DENND1A: variants seen among roughly 807,000 people sequenced by gnomAD.
DENND1A encodes the protein DENN domain containing 1A, also known as DENN domain-containing protein 1A.
Under a neutral mutation model 113.7 loss-of-function variants are expected in DENND1A, and 51 were observed. The ratio of observed to expected loss-of-function variants is 0.45; its 90% CI spans 0.36 to 0.57. The LOEUF (loss-of-function observed/expected upper bound fraction) is 0.57, where lower values mean the gene tolerates loss of function less well. Among genes scored for constraint, DENND1A ranks in the 20% least tolerant of loss-of-function variants. DENND1A has a pLI of 0.00. For synonymous variants in DENND1A, 565 were observed against 570.8 expected (o/e 0.99, Z 0.14); for missense variants, 1,258 against 1,395.9 (o/e 0.90, Z 1.57).
intron 18 of DENND1A, among the ~76,000 whole-genome samples, chr9:123,446,644 G>A (rs1564504153): frequency 1.3e-5 from 2 of 152,064 alleles, no homozygotes; most frequent in African/African-American, 4.8e-5. Flanking sequence ...GGGCAACACA[G>A]CAAAACTCTG....
chr9:123,474,748 G>T (rs2049761066), intron 13 of DENND1A, among the ~76,000 whole-genome samples: 1 of 152,196 alleles, frequency 6.6e-6, no homozygotes, highest in Admixed American at 6.5e-5. Context: ...TAGCTCCCAT[G>T]AGCTTATTCC....
In DENND1A at chr9:123,669,525, G is replaced by A. The variant is rs563724270; in HGVS notation, c.453+1766C>T. Reference sequence around the variant, plus strand: ...CAGCAGTTCCTGCTGCCCCTGAGATGGCTTGTCCTTGAGGCCTGGCATGCA... The same window carrying A: ...CAGCAGTTCCTGCTGCCCCTGAGATAGCTTGTCCTTGAGGCCTGGCATGCA... On this transcript the variant is annotated intron_variant, in intron 7 of 23. Transcript: ENST00000394215. 5.9e-5 allele frequency among the ~76,000 whole-genome samples: 9 copies of A among 152,198 alleles called. No individual in the cohort carries two copies. The South Asian group carries it at 6.2e-4, about 11-fold the overall frequency.
intron 13 of DENND1A, among the ~76,000 whole-genome samples, chr9:123,541,866 G>A (rs984637799): frequency 2.6e-5 from 4 of 152,108 alleles, no homozygotes; most frequent in African/African-American, 7.2e-5. Flanking sequence ...AAAAACCTGC[G>A]GTTCAGGGAG....
At chr9:123,812,512 T>G (rs1199195629) in intron 2 of DENND1A, among the ~76,000 whole-genome samples, 1 of 151,918 alleles carries the variant, frequency 6.6e-6, no homozygotes, top group Non-Finnish European at 1.5e-5. Flanking sequence ...ATACAGTGAG[T>G]GGAATGAGTG....
chr9:123,927,034 G>A (rs141494423), intron 1 of DENND1A, among the ~76,000 whole-genome samples: 35 of 152,260 alleles, frequency 2.3e-4, no homozygotes, highest in African/African-American at 8.2e-4. Context: ...CTGATCTTAG[G>A]CCTATAAACT....
chr9:123,632,607 C>T (rs2061526093), intron 9 of DENND1A, among the ~76,000 whole-genome samples: 2 of 152,082 alleles, frequency 1.3e-5, no homozygotes, highest in African/African-American at 2.4e-5. Flanking sequence ...TCCGGCCCAT[C>T]ACTTCCTACT....
At chr9:123,525,828 G>A (rs2054794387) in intron 13 of DENND1A, among the ~76,000 whole-genome samples, 1 of 139,628 alleles carries the variant, frequency 7.2e-6, no homozygotes, top group African/African-American at 2.7e-5. Flanking sequence ...GTGTGATTAT[G>A]ATTCACTGCA....
intron 19 of DENND1A, among the ~76,000 whole-genome samples, chr9:123,432,623 G>A (rs2046220532): frequency 6.6e-6 from 1 of 152,242 alleles, no homozygotes; most frequent in South Asian, 2.1e-4. Flanking sequence ...CAACGGAAAA[G>A]GAGAAATATG....
chr9:123,582,847 C>T (rs2058983574), intron 12 of DENND1A, among the ~76,000 whole-genome samples: 1 of 152,052 alleles, frequency 6.6e-6, no homozygotes, highest in African/African-American at 2.4e-5. Context: ...TACACGCATG[C>T]ACCACCATGC....
At chr9:123,420,685 G>A (rs1276701348) in intron 19 of DENND1A, among the ~76,000 whole-genome samples, 2 of 152,140 alleles carry the variant, frequency 1.3e-5, no homozygotes, top group Non-Finnish European at 2.9e-5. Flanking sequence ...TAGTGGTGCT[G>A]GTTAATTTGT....
chr9:123,838,222 T>C (rs929687937), intron 2 of DENND1A, among the ~76,000 whole-genome samples: 2 of 152,208 alleles, frequency 1.3e-5, no homozygotes, highest in Non-Finnish European at 2.9e-5. Context: ...AGTTACTTCA[T>C]CTTTCTGTGC....
At chr9:123,927,594 T>A (rs775432015) in intron 1 of DENND1A, among the ~76,000 whole-genome samples, 6 of 152,216 alleles carry the variant, frequency 3.9e-5, no homozygotes, top group African/African-American at 1.4e-4. Context: ...TCAGGGAAAC[T>A]GAGGTTGAAA....
In DENND1A at chr9:123,874,933, G is replaced by A. The variant is rs554734296; in HGVS notation, c.88+4018C>T. ...TGTTTACATGTGCCAGGATTCATACGTAGGAAAGGTCACAGTAGCATGGCT... is the reference window on the plus strand; with the variant it reads ...TGTTTACATGTGCCAGGATTCATACATAGGAAAGGTCACAGTAGCATGGCT... On this transcript the variant is annotated intron_variant, in intron 2 of 23. Coordinates refer to ENST00000394215, the MANE Select transcript of DENND1A (RefSeq NM_001352964.2). Among the ~76,000 whole-genome samples the A allele has an allele frequency of 4.6e-5, 7 of 152,308 alleles. No homozygotes were observed. The South Asian group carries it at 1.2e-3, about 27-fold the overall frequency.
In DENND1A at chr9:123,450,760, A is replaced by C. The variant is rs955419642; in HGVS notation, c.1300-11T>G. The C allele has an allele frequency of 1.1e-5, 17 of 1,607,324 alleles. No individual in the cohort carries two copies. Among genetic ancestry groups the C allele is most frequent in the Non-Finnish European group, 1.4e-5 (16 of 1,177,408 alleles). On this transcript the variant is annotated splice_polypyrimidine_tract_variant and intron_variant, in intron 17 of 23. Coordinates refer to ENST00000394215, the MANE Select transcript of DENND1A (RefSeq NM_001352964.2). ...TGCATGATCTTTTGCCTGCATGAAA[A>C]ATTAATTTAAGTTAAGATTCCCTTT... is the stretch of plus-strand genomic sequence containing the variant.
At chr9:123,627,489 C>A (rs1200805173) in intron 10 of DENND1A, among the ~76,000 whole-genome samples, 1 of 152,194 alleles carries the variant, frequency 6.6e-6, no homozygotes, top group Non-Finnish European at 1.5e-5. Flanking sequence ...CGTCTGTAAT[C>A]GCAGCCCTTC....
chr9:123,566,577 G>A (rs1277919476), intron 12 of DENND1A, among the ~76,000 whole-genome samples: 1 of 152,142 alleles, frequency 6.6e-6, no homozygotes, highest in Non-Finnish European at 1.5e-5. Context: ...GTGCTATAGT[G>A]GCTCTGCTGA....
At chr9:123,718,141 A>G (rs1431117508) in intron 5 of DENND1A, among the ~76,000 whole-genome samples, 3 of 152,252 alleles carry the variant, frequency 2.0e-5, no homozygotes, top group African/African-American at 7.2e-5. Flanking sequence ...ATGTGAAGAA[A>G]AAAAGAACTT....
chr9:123,751,950 C>T (rs993064975), intron 5 of DENND1A: 3 of 152,134 alleles, frequency 2.0e-5, no homozygotes, highest in Non-Finnish European at 4.4e-5. Flanking sequence ...CAACACTGAT[C>T]GCATTATGTT....
At chr9:123,575,542 T>C (rs1447910884) in intron 12 of DENND1A, among the ~76,000 whole-genome samples, 1 of 152,218 alleles carries the variant, frequency 6.6e-6, no homozygotes, top group Non-Finnish European at 1.5e-5. Flanking sequence ...ATCACATCAG[T>C]GGTTATATGA....
Sources: allele counts gnomAD v4.1 joint callset (sites outside exome capture counted in the v4.1 genomes callset), GRCh38; gene constraint gnomAD v4.1.1; transcripts MANE v1.5; gene names NCBI Gene and HGNC (gene_info 2026-07-23, HGNC 2026-07-21).